Variants in LYST observed in about 807,000 individuals in gnomAD.
The protein encoded by LYST is lysosomal-trafficking regulator.
Under a neutral mutation model 413.6 loss-of-function variants are expected in LYST, and 192 were observed. The ratio of observed to expected loss-of-function variants is 0.46; its 90% CI spans 0.41 to 0.52. LYST has a LOEUF of 0.52. Ranked by LOEUF, LYST falls within the 20% of genes least tolerant of loss-of-function variation. The pLI, the probability that LYST is intolerant of heterozygous loss-of-function variation, is 0.00. For missense variants in LYST, 3,815 were observed against 4,499.9 expected (o/e 0.85, Z 4.35); for synonymous variants, 1,525 against 1,567.3 (o/e 0.97, Z 0.64).
intron 16 of LYST, among the ~76,000 whole-genome samples, chr1:235,778,232 C>G (rs2489153): frequency 0.014 from 2,189 of 151,236 alleles, 24 homozygotes; most frequent in Middle Eastern, 0.032. Context: ...AGGCATGAAT[C>G]TTGGTGTCTG....
chr1:235,729,682 T>C, intron 36 of LYST, 25 bp from the exon 37 acceptor site: 1 of 1,523,880 alleles, frequency 6.6e-7, no homozygotes, highest in South Asian at 1.1e-5. Flanking sequence ...TTAAAATTAC[T>C]ATGACTAAAT....
rs1278892862 is a variant in LYST at position 235,726,253 on chromosome 1, A to T, written c.9162+1823T>A. Among the ~76,000 whole-genome samples the T allele has an allele frequency of 4.8e-5, 7 of 147,292 alleles. No individual in the cohort carries two copies. The East Asian group carries it at 1.2e-3, about 25-fold the overall frequency. ...GGCTCTTTATCTTTCCAAAACCTTA[A>T]TTTTTTTTTTTAGATTCAGATTATC... On this transcript the variant is annotated intron_variant, in intron 38 of 52. Transcript: ENST00000389793.
intron 28 of LYST, among the ~76,000 whole-genome samples, 181 bp from the exon 29 acceptor site, chr1:235,746,708 C>A (rs1032327601): frequency 1.5e-4 from 23 of 152,068 alleles, no homozygotes; most frequent in African/African-American, 5.6e-4. Flanking sequence ...TGAAGAAGTG[C>A]AACAGTACTT....
intron 45 of LYST, among the ~76,000 whole-genome samples, chr1:235,697,639 G>A (rs189729967): frequency 6.6e-6 from 1 of 152,290 alleles, no homozygotes; most frequent in African/African-American, 2.4e-5. Context: ...CAAGCCATAT[G>A]TACATATGGT....
chr1:235,712,911 A>C, intron 42 of LYST: 1 of 985,330 alleles, frequency 1.0e-6, no homozygotes, highest in Non-Finnish European at 1.2e-6. Flanking sequence ...AAGGCCTAGA[A>C]TATTAAATGA....
intron 14 of LYST, among the ~76,000 whole-genome samples, chr1:235,783,087 A>G (rs565837474): frequency 1.3e-5 from 2 of 152,336 alleles, no homozygotes; most frequent in South Asian, 4.1e-4. Context: ...GGAATGTTTT[A>G]AACTCCATTT....
intron 48 of LYST, among the ~76,000 whole-genome samples, chr1:235,681,214 A>T (rs1659788696): frequency 2.0e-5 from 3 of 152,192 alleles, no homozygotes; most frequent in Non-Finnish European, 4.4e-5. Context: ...TTACTCAAAG[A>T]AAAATGGCTG....
At chr1:235,748,170 T>A (rs1666108893) in intron 28 of LYST, among the ~76,000 whole-genome samples, 1 of 152,210 alleles carries the variant, frequency 6.6e-6, no homozygotes, top group South Asian at 2.1e-4. Flanking sequence ...AATATAAAGT[T>A]CATTTGTATG....
chr1:235,743,064 C>A lies in LYST; in HGVS notation c.8151+915G>T, dbSNP rs182097214. Among the ~76,000 whole-genome samples the A allele has an allele frequency of 2.4e-3, 372 of 152,222 alleles. 2 individuals carry two copies. Among genetic ancestry groups the A allele is most frequent in the Middle Eastern group, 6.8e-3 (2 of 294 alleles). Reference sequence around the variant, plus strand: ...AAAATAGTATATACAGGTTTCAGTACCATCTGTGGTTTCAGGCATTCACCA... The same window carrying A: ...AAAATAGTATATACAGGTTTCAGTAACATCTGTGGTTTCAGGCATTCACCA... On this transcript the variant is annotated intron_variant, in intron 30 of 52. Transcript: ENST00000389793.
chr1:235,764,814 A>G (rs1260113966), intron 21 of LYST, among the ~76,000 whole-genome samples: 1 of 151,998 alleles, frequency 6.6e-6, no homozygotes, highest in Non-Finnish European at 1.5e-5. Flanking sequence ...CATTTACTAC[A>G]TCTCTTAAAA....
chr1:235,813,719 G>C (rs1481206936), intron 3 of LYST, among the ~76,000 whole-genome samples: 1 of 152,176 alleles, frequency 6.6e-6, no homozygotes, highest in African/African-American at 2.4e-5. Flanking sequence ...AGTATCCAGG[G>C]GTGGTAGAAG....
intron 42 of LYST, among the ~76,000 whole-genome samples, chr1:235,713,673 G>A (rs529357709): frequency 1.2e-4 from 18 of 152,274 alleles, no homozygotes; most frequent in South Asian, 1.0e-3. Context: ...ACAGCTAAAC[G>A]TCCTACAATG....
In LYST at chr1:235,729,182, TTCTC is replaced by T. The variant is rs1397721884; in HGVS notation, c.9106+410_9106+413del. The stretch of plus-strand genomic sequence containing the variant: ...ATCTATGGACTAACAATCTTGTCCT[TTCTC>T]TCAGAAGCACAATAGAGAATATAAA... On this transcript the variant is annotated intron_variant, in intron 37 of 52. Coordinates refer to ENST00000389793, the MANE Select transcript of LYST (RefSeq NM_000081.4). Among the ~76,000 whole-genome samples, 4 of 152,330 alleles carry T rather than the reference TTCTC, an allele frequency of 2.6e-5. No homozygotes were observed. In the East Asian group the frequency reaches 7.7e-4, roughly 29 times the overall value.
intron 49 of LYST, 69 bp downstream of exon 49, chr1:235,677,411 A>G: frequency 6.6e-7 from 1 of 1,507,296 alleles, no homozygotes; most frequent in South Asian, 1.1e-5. Flanking sequence ...ATTTTGGTTT[A>G]TCTATTTCAT....
At chr1:235,785,669 C>T (rs778497294) in intron 14 of LYST, among the ~76,000 whole-genome samples, 45 of 152,180 alleles carry the variant, frequency 3.0e-4, no homozygotes, top group Non-Finnish European at 6.0e-4. Context: ...CATTCAAAGC[C>T]TGTTAAGTAG....
intron 3 of LYST, chr1:235,827,865 A>G: frequency 1.3e-6 from 1 of 768,648 alleles, no homozygotes; most frequent in Non-Finnish European, 1.6e-6. Flanking sequence ...CAAAGAAAAT[A>G]CCGTATTTGG....
At chr1:235,801,663 ATTCT>A in intron 8 of LYST, among the ~76,000 whole-genome samples, 1 of 152,328 alleles carries the variant, frequency 6.6e-6, no homozygotes, top group South Asian at 2.1e-4. Flanking sequence ...CTAGATCAGA[ATTCT>A]TTAAGTTGAG....
chr1:235,751,382 G>T lies in LYST; in HGVS notation c.7628-20C>A. Reference sequence around the variant, plus strand: ...CCATATCTAAAAACAGAAGATACTAGAATGTTTTCAAGCTATGTGGTTACT... The same window carrying T: ...CCATATCTAAAAACAGAAGATACTATAATGTTTTCAAGCTATGTGGTTACT... On this transcript the variant is annotated intron_variant, in intron 27 of 52. Transcript: ENST00000389793. 4 of 1,605,708 alleles carry T rather than the reference G, an allele frequency of 2.5e-6. No homozygotes were observed. The South Asian group carries it at 3.3e-5, about 13-fold the overall frequency.
rs1558243657 is a variant in LYST at position 235,787,241 on chromosome 1, C to T, written c.4821G>A (p.Arg1607=). The change falls in exon 14 of 53, where the codon AGG becomes AGA. Residue 1607 remains arginine, a synonymous_variant. Coordinates refer to ENST00000389793, the MANE Select transcript of LYST (RefSeq NM_000081.4). ...ATATGGAGATTTTCCCATGAATCCT[C>T]CTTTTCCCTTGGGGCTGCTGTAAGT... ...LTYLQQPQGK[R]RIHGKISIWV... 1.2e-6 allele frequency: 2 copies of T among 1,613,832 alleles called. No homozygotes were observed. Among genetic ancestry groups the T allele is most frequent in the Non-Finnish European group, 1.7e-6 (2 of 1,179,812 alleles).
Sources: gnomAD v4.1 joint callset for allele counts (sites outside exome capture counted in the v4.1 genomes callset) on GRCh38, gnomAD v4.1.1 for gene constraint, MANE v1.5 for transcripts, NCBI Gene and HGNC (gene_info 2026-07-23, HGNC 2026-07-21) for gene names.